IL34: variants seen among roughly 807,000 people sequenced by gnomAD.
IL34 encodes interleukin-34.
A neutral mutation model predicts 25.3 loss-of-function variants in IL34; 17 were observed. That is an observed-to-expected ratio of 0.67 (90% CI 0.46 to 1.01). The LOEUF is 1.01. IL34 is among the 50% of genes least tolerant of loss of function. The pLI, the probability that IL34 is intolerant of heterozygous loss-of-function variation, is 0.00. For missense variants in IL34, 368 were observed against 312.9 expected (o/e 1.18, Z -1.33); for synonymous variants, 174 against 140.9 (o/e 1.23, Z -1.66).
At chr16:70,587,428 C>T (rs1250691174) in intron 1 of IL34, among the ~76,000 whole-genome samples, 3 of 151,998 alleles carry the variant, frequency 2.0e-5, no homozygotes, top group Admixed American at 2.0e-4. Context: ...CGCCACCACG[C>T]CCAGCTAATT....
At chr16:70,618,635 T>C (rs60337219) in intron 1 of IL34, among the ~76,000 whole-genome samples, 13,052 of 152,168 alleles carry the variant, frequency 0.086, 1,814 homozygotes, top group African/African-American at 0.29. Context: ...TTACAGGGTG[T>C]GGTCCTGGCT....
intron 1 of IL34, among the ~76,000 whole-genome samples, chr16:70,587,769 C>T (rs544971803): frequency 2.0e-5 from 3 of 152,100 alleles, no homozygotes; most frequent in East Asian, 3.9e-4. Flanking sequence ...CCGGGCGCAG[C>T]GGCTCATGCC....
At chr16:70,581,825 G>A (rs1015020169) in intron 1 of IL34, among the ~76,000 whole-genome samples, 7 of 152,190 alleles carry the variant, frequency 4.6e-5, no homozygotes, top group Admixed American at 4.6e-4. Flanking sequence ...GCTCATGTCT[G>A]TAAGCCTAGC....
intron 1 of IL34, among the ~76,000 whole-genome samples, chr16:70,608,722 C>T (rs1378543823): frequency 3.9e-5 from 6 of 152,264 alleles, no homozygotes; most frequent in Admixed American, 3.9e-4. Flanking sequence ...ACAGCAGGTT[C>T]AGGTGGGGCA....
At chr16:70,658,128 C>T (rs1056014694) in intron 4 of IL34, among the ~76,000 whole-genome samples, 3 of 152,184 alleles carry the variant, frequency 2.0e-5, no homozygotes, top group African/African-American at 7.2e-5. Context: ...CCCTGCCCAG[C>T]CAGCTGCTGA....
At chr16:70,584,849 T>C (rs1046506409) in intron 1 of IL34, among the ~76,000 whole-genome samples, 6 of 152,018 alleles carry the variant, frequency 3.9e-5, no homozygotes, top group South Asian at 4.2e-4. Flanking sequence ...TACAGGCTCC[T>C]GCCACCACGC....
At chr16:70,654,703 C>T (rs1193201781) in intron 2 of IL34, 32 bp downstream of exon 2, 1 of 1,572,936 alleles carries the variant, frequency 6.4e-7, no homozygotes, top group East Asian at 2.3e-5. Flanking sequence ...GTGTCCCTGT[C>T]CCCGCGTCCC....
At chr16:70,656,563 C>G (rs1213160732) in intron 2 of IL34, 39 bp from the exon 3 acceptor site, 2 of 915,526 alleles carry the variant, frequency 2.2e-6, no homozygotes, top group Non-Finnish European at 3.7e-6. Flanking sequence ...CTGGTCATTT[C>G]TACTTCTGGC....
At chr16:70,645,540 A>C (rs1454091739), upstream of IL34, among the ~76,000 whole-genome samples, 2 of 152,166 alleles carry the variant, frequency 1.3e-5, no homozygotes, top group Admixed American at 1.3e-4. Context: ...CAGAGTCCAG[A>C]GGGGCAGATG....
upstream of IL34, among the ~76,000 whole-genome samples, chr16:70,643,475 A>C (rs1479307453): frequency 1.3e-5 from 2 of 152,134 alleles, no homozygotes; most frequent in Admixed American, 1.3e-4. Context: ...GGCTCAAGTG[A>C]TCCTCCCATC....
chr16:70,645,374 C>T (rs74783384), upstream of IL34, among the ~76,000 whole-genome samples: 426 of 152,246 alleles, frequency 2.8e-3, 6 homozygotes, highest in East Asian at 0.042. Flanking sequence ...GAAGAAGATG[C>T]CCAAGTCATA....
intron 1 of IL34, among the ~76,000 whole-genome samples, chr16:70,608,131 T>TC (rs962862059): frequency 1.0e-4 from 15 of 145,884 alleles, no homozygotes; most frequent in Admixed American, 4.1e-4. Flanking sequence ...TTTTTCTTTT[T>TC]TTTTTTTTTT....
At chr16:70,593,448 A>C (rs2050779821) in intron 1 of IL34, among the ~76,000 whole-genome samples, 1 of 152,060 alleles carries the variant, frequency 6.6e-6, no homozygotes. Flanking sequence ...ATTTTGAATA[A>C]ATTTTTGTGA....
intron 1 of IL34, among the ~76,000 whole-genome samples, chr16:70,604,442 C>T (rs2050966561): frequency 6.6e-6 from 1 of 152,164 alleles, no homozygotes; most frequent in Non-Finnish European, 1.5e-5. Context: ...AAATGATTTG[C>T]TCTCTAGGTC....
At chr16:70,652,293 A>G (rs1252047829) in intron 1 of IL34, among the ~76,000 whole-genome samples, 8 of 151,894 alleles carry the variant, frequency 5.3e-5, no homozygotes, top group African/African-American at 1.4e-4. Flanking sequence ...TCCTCTCTAC[A>G]AAAAATTAAA....
intron 1 of IL34, among the ~76,000 whole-genome samples, chr16:70,592,700 G>A (rs1423118623): frequency 6.6e-6 from 1 of 151,934 alleles, no homozygotes; most frequent in Non-Finnish European, 1.5e-5. Context: ...TGTCGTCCAG[G>A]CTGGAGTACA....
chr16:70,615,335 C>T (rs1358738572), intron 1 of IL34, among the ~76,000 whole-genome samples: 3 of 151,846 alleles, frequency 2.0e-5, no homozygotes, highest in South Asian at 4.2e-4. Flanking sequence ...GGTGAAACCC[C>T]GTCTCTACTA....
chr16:70,625,552 G>A (rs143722131), intron 1 of IL34, among the ~76,000 whole-genome samples: 44,870 of 151,962 alleles, frequency 0.3, 7,029 homozygotes, highest in South Asian at 0.45. Context: ...CCAGAAAAGC[G>A]GGACTTGCTG....
At chr16:70,647,075 A>C in intron 1 of IL34, 100 bp downstream of exon 1, 2 of 1,078,982 alleles carry the variant, frequency 1.9e-6, no homozygotes, top group Non-Finnish European at 2.5e-6. Context: ...TGCTGGTGAG[A>C]AGTTGCGATG....
Sources: allele counts gnomAD v4.1 joint callset (sites outside exome capture counted in the v4.1 genomes callset), GRCh38; gene constraint gnomAD v4.1.1; transcripts MANE v1.5; gene names NCBI Gene and HGNC (gene_info 2026-07-23, HGNC 2026-07-21).